ERCC8: variants seen among roughly 807,000 people sequenced by gnomAD.
The protein encoded by ERCC8 is ERCC excision repair 8, CSA ubiquitin ligase complex subunit, also known as DNA excision repair protein ERCC-8.
In ERCC8, 52 loss-of-function variants were observed where a neutral mutation model predicts 54.9. The ratio of observed to expected loss-of-function variants is 0.95; its 90% CI spans 0.76 to 1.19. The LOEUF (loss-of-function observed/expected upper bound fraction) is 1.19. Among genes scored for constraint, ERCC8 ranks in the 50% most tolerant of loss-of-function variants. The pLI, the probability that ERCC8 is intolerant of heterozygous loss-of-function variation, is 0.00. For synonymous variants in ERCC8, 146 were observed against 157.2 expected (o/e 0.93, Z 0.53); for missense variants, 514 against 466.1 (o/e 1.10, Z -0.95).
At chr5:60,932,908 G>C (rs1304790902) in intron 1 of ERCC8, among the ~76,000 whole-genome samples, 1 of 152,220 alleles carries the variant, frequency 6.6e-6, no homozygotes, top group East Asian at 1.9e-4. Flanking sequence ...AGAGCCTGGG[G>C]TAGAAGGGTA....
At chr5:60,913,842 C>T (rs999913559) in intron 4 of ERCC8, among the ~76,000 whole-genome samples, 2 of 152,076 alleles carry the variant, frequency 1.3e-5, no homozygotes, top group African/African-American at 2.4e-5. Context: ...GCCTTCATTT[C>T]GTTATGTACC....
intron 9 of ERCC8, chr5:60,893,221 C>T (rs1279094588): frequency 1.0e-6 from 1 of 980,826 alleles, no homozygotes; most frequent in Non-Finnish European, 1.7e-6. Flanking sequence ...ACCTCACGGA[C>T]TCCTTGTAAT....
intron 9 of ERCC8, chr5:60,892,198 CG>C: frequency 1.9e-6 from 1 of 526,788 alleles, no homozygotes; most frequent in South Asian, 1.5e-5. Context: ...GATGACGATT[CG>C]GATTGGTGCA....
At chr5:60,937,064 C>G (rs1196309506) in intron 1 of ERCC8, among the ~76,000 whole-genome samples, 4 of 152,198 alleles carry the variant, frequency 2.6e-5, no homozygotes, top group African/African-American at 9.7e-5. Flanking sequence ...TCTAGCCAAC[C>G]AGCAGAGCTA....
intron 11 of ERCC8, among the ~76,000 whole-genome samples, chr5:60,886,703 A>AAAAAAT (rs537368621): frequency 0.16 from 22,260 of 142,504 alleles, 3,214 homozygotes; most frequent in African/African-American, 0.39. Context: ...CTCCATCTCA[A>AAAAAAT]AAAAATAAAA....
rs1747931459 is a variant in ERCC8 at position 60,874,257 on chromosome 5, A to C, written c.*358T>G. ...GAGCAGGCTGATAGTACAGCAAGTA[A>C]GAGAAAGTCAATACTGATGGCCTCC... On this transcript the variant is annotated 3_prime_UTR_variant, in exon 12 of 12. Coordinates refer to ENST00000676185, the MANE Select transcript of ERCC8 (RefSeq NM_000082.4). The C allele has an allele frequency of 5.5e-6, 1 of 182,874 alleles. No homozygotes were observed. Among genetic ancestry groups the C allele is most frequent in the Non-Finnish European group, 1.1e-5 (1 of 88,728 alleles). The allele number at this position is 182,874 out of a possible 1,614,324, so 11.3% of individuals were successfully genotyped here.
intron 6 of ERCC8, 149 bp from the exon 7 acceptor site, chr5:60,902,657 G>A (rs1401641465): frequency 1.3e-5 from 9 of 689,318 alleles, no homozygotes; most frequent in South Asian, 4.9e-5. Context: ...AATAATCGAT[G>A]TTTCAATGCT....
intron 1 of ERCC8, among the ~76,000 whole-genome samples, chr5:60,943,608 TAA>T (rs1266961187): frequency 6.6e-6 from 1 of 152,004 alleles, no homozygotes; most frequent in Non-Finnish European, 1.5e-5. Flanking sequence ...TTTTACAGAT[TAA>T]AAGAGGAAAT....
At chr5:60,879,937 G>T (rs1748152456) in intron 11 of ERCC8, among the ~76,000 whole-genome samples, 1 of 152,214 alleles carries the variant, frequency 6.6e-6, no homozygotes, top group Admixed American at 6.5e-5. Context: ...TTGCTCGTTA[G>T]TTGATGCAGT....
At chr5:60,942,520 T>C (rs917781571) in intron 1 of ERCC8, among the ~76,000 whole-genome samples, 36 of 152,050 alleles carry the variant, frequency 2.4e-4, no homozygotes, top group Admixed American at 1.2e-3. Flanking sequence ...ATAATGTAAT[T>C]ATGCTGAGTG....
At chr5:60,905,592 G>A (rs1749048763) in intron 4 of ERCC8, among the ~76,000 whole-genome samples, 1 of 152,194 alleles carries the variant, frequency 6.6e-6, no homozygotes, top group Non-Finnish European at 1.5e-5. Context: ...AAGTCAGATG[G>A]TAAATATTTT....
At chr5:60,939,659 C>T (rs1224328481) in intron 1 of ERCC8, among the ~76,000 whole-genome samples, 2 of 151,996 alleles carry the variant, frequency 1.3e-5, no homozygotes, top group East Asian at 3.9e-4. Flanking sequence ...GCACGCCCGG[C>T]TGATTTTTGG....
At chr5:60,933,665 T>C (rs912881462) in intron 1 of ERCC8, among the ~76,000 whole-genome samples, 1 of 152,142 alleles carries the variant, frequency 6.6e-6, no homozygotes, top group Non-Finnish European at 1.5e-5. Context: ...GATTTTGGGG[T>C]ACCCATCACC....
chr5:60,919,925 G>C lies in ERCC8; in HGVS notation c.276-1537C>G, dbSNP rs892316436. On this transcript the variant is annotated intron_variant, in intron 3 of 11. Transcript: ENST00000676185. ...TGGACAGCCAAATGGGTGGATTGTAGGGAACATGTGCCTTTTTTTCTTGGC... is the reference window on the plus strand; with the variant it reads ...TGGACAGCCAAATGGGTGGATTGTACGGAACATGTGCCTTTTTTTCTTGGC... Among the ~76,000 whole-genome samples the C allele has an allele frequency of 1.4e-4, 22 of 152,072 alleles. No homozygotes were observed. In the South Asian group the frequency reaches 4.1e-3, roughly 29 times the overall value.
chr5:60,928,513 T>C (rs1749816497), intron 2 of ERCC8, among the ~76,000 whole-genome samples: 1 of 152,244 alleles, frequency 6.6e-6, no homozygotes, highest in African/African-American at 2.4e-5. Flanking sequence ...TCACTTTTTA[T>C]ATTTATTTTA....
At chr5:60,938,339 T>C (rs12520314) in intron 1 of ERCC8, among the ~76,000 whole-genome samples, 5,129 of 145,496 alleles carry the variant, frequency 0.035, 168 homozygotes, top group East Asian at 0.16. Context: ...GTAAGATAGC[T>C]ACCTTTTTGA....
At chr5:60,904,663 TATATATATATATATATATATAA>T (rs1749013303) in intron 5 of ERCC8, 107 bp downstream of exon 5, 2 of 156,710 alleles carry the variant, frequency 1.3e-5, no homozygotes, top group Non-Finnish European at 2.4e-5. Context: ...TATATATATA[TATATATATATATATATATATAA>T]AATTGTGATA....
chr5:60,868,041 A>T lies in ERCC8; in HGVS notation c.*6574T>A, dbSNP rs1747789325. 6.6e-6 allele frequency among the ~76,000 whole-genome samples: 1 copy of T among 152,158 alleles called. No individual in the cohort carries two copies. Among genetic ancestry groups the T allele is most frequent in the Non-Finnish European group, 1.5e-5 (1 of 68,012 alleles). On this transcript the variant is annotated 3_prime_UTR_variant, in exon 12 of 12. Coordinates refer to ENST00000676185, the MANE Select transcript of ERCC8 (RefSeq NM_000082.4). ...ACTAAAAATACAAAATAAGCCAGGC[A>T]TGGTGGCGCATGCCTGTAATCCCAG...
chr5:60,879,851 G>C (rs1368806599), intron 11 of ERCC8, among the ~76,000 whole-genome samples: 1 of 151,950 alleles, frequency 6.6e-6, no homozygotes, highest in African/African-American at 2.4e-5. Flanking sequence ...AATTGGAGCA[G>C]TTAGCCCATT....
Sources: allele counts gnomAD v4.1 joint callset (sites outside exome capture counted in the v4.1 genomes callset), GRCh38; gene constraint gnomAD v4.1.1; transcripts MANE v1.5; gene names NCBI Gene and HGNC (gene_info 2026-07-23, HGNC 2026-07-21).